Variants in CTNNA3 observed in about 807,000 individuals in gnomAD.
The protein encoded by CTNNA3 is catenin alpha-3.
CTNNA3 carries 76 observed loss-of-function variants against 95.7 expected under a neutral mutation model. The observed-to-expected ratio is 0.79, with a 90% CI of 0.66 to 0.96. The LOEUF (loss-of-function observed/expected upper bound fraction) is 0.96. CTNNA3 is among the 40% of genes least tolerant of loss of function. The pLI, the probability that CTNNA3 is intolerant of heterozygous loss-of-function variation, is 0.00. For synonymous variants in CTNNA3, 431 were observed against 374.4 expected, an observed-to-expected ratio of 1.15 and a Z score of -1.74; for missense variants, 1,191 against 1,089.8, an observed-to-expected ratio of 1.09 and a Z score of -1.31.
intron 12 of CTNNA3, among the ~76,000 whole-genome samples, chr10:66,299,286 A>G (rs1209838731): frequency 1.3e-5 from 2 of 152,202 alleles, no homozygotes; most frequent in Non-Finnish European, 2.9e-5. Context: ...GGCAAAATAA[A>G]CTTTCTAAAT....
At chr10:66,536,662 T>A (rs1435566825) in intron 10 of CTNNA3, among the ~76,000 whole-genome samples, 1 of 152,086 alleles carries the variant, frequency 6.6e-6, no homozygotes, top group African/African-American at 2.4e-5. Flanking sequence ...TTGGTACTTA[T>A]GCAGATACTA....
chr10:66,900,747 C>G (rs1204828407), intron 7 of CTNNA3, among the ~76,000 whole-genome samples: 2 of 151,946 alleles, frequency 1.3e-5, no homozygotes, highest in South Asian at 2.1e-4. Context: ...GCTTCAGTAG[C>G]CAATTCGATC....
intron 7 of CTNNA3, among the ~76,000 whole-genome samples, chr10:67,074,515 T>G (rs962714862): frequency 1.3e-5 from 2 of 151,728 alleles, no homozygotes; most frequent in African/African-American, 4.8e-5. Context: ...CACGCCCGGC[T>G]AATTTTCTGT....
chr10:67,238,143 A>G (rs1442806426), intron 5 of CTNNA3, among the ~76,000 whole-genome samples: 1 of 152,208 alleles, frequency 6.6e-6, no homozygotes, highest in Non-Finnish European at 1.5e-5. Flanking sequence ...AATCTGCCAA[A>G]TGTAATATAT....
At chr10:66,190,851 C>A (rs2086629079) in intron 13 of CTNNA3, among the ~76,000 whole-genome samples, 1 of 152,100 alleles carries the variant, frequency 6.6e-6, no homozygotes, top group African/African-American at 2.4e-5. Flanking sequence ...TGTTGCCTAC[C>A]TTTCTGAAGG....
At chr10:67,442,293 A>C (rs1413140363) in intron 5 of CTNNA3, among the ~76,000 whole-genome samples, 1 of 152,148 alleles carries the variant, frequency 6.6e-6, no homozygotes, top group Non-Finnish European at 1.5e-5. Context: ...ATGGGGAAAA[A>C]AGAAAGAGAA....
intron 11 of CTNNA3, among the ~76,000 whole-genome samples, chr10:66,452,707 C>T (rs923860073): frequency 1.3e-5 from 2 of 152,072 alleles, no homozygotes; most frequent in Non-Finnish European, 2.9e-5. Flanking sequence ...TATTGTAAAA[C>T]TTAAGGTTGA....
intron 11 of CTNNA3, among the ~76,000 whole-genome samples, chr10:66,387,493 G>T (rs1441195225): frequency 1.3e-5 from 2 of 152,132 alleles, no homozygotes; most frequent in African/African-American, 2.4e-5. Flanking sequence ...TTACACTGTT[G>T]GTGGGTGTGT....
intron 5 of CTNNA3, among the ~76,000 whole-genome samples, chr10:67,276,835 T>C (rs1477241261): frequency 2.0e-5 from 3 of 151,918 alleles, no homozygotes; most frequent in Non-Finnish European, 4.4e-5. Context: ...ACAAATATTC[T>C]ATAATAAAGG....
At chr10:67,622,332 T>C (rs1843873982) in intron 2 of CTNNA3, among the ~76,000 whole-genome samples, 1 of 152,152 alleles carries the variant, frequency 6.6e-6, no homozygotes, top group South Asian at 2.1e-4. Context: ...TAAAGCTAAG[T>C]TAGAAGTGGG....
chr10:66,163,761 C>T (rs933818429), intron 13 of CTNNA3, among the ~76,000 whole-genome samples: 4 of 152,166 alleles, frequency 2.6e-5, no homozygotes, highest in Non-Finnish European at 4.4e-5. Flanking sequence ...CCCAGACTGA[C>T]AATCACTAGC....
At chr10:66,149,178 T>C (rs2084055905) in intron 13 of CTNNA3, among the ~76,000 whole-genome samples, 2 of 148,248 alleles carry the variant, frequency 1.3e-5, no homozygotes, top group Admixed American at 1.4e-4. Context: ...CTAAATATAG[T>C]TAACTATATA....
chr10:66,224,170 G>C (rs1034357946), intron 13 of CTNNA3, among the ~76,000 whole-genome samples: 8 of 152,142 alleles, frequency 5.3e-5, no homozygotes, highest in African/African-American at 1.9e-4. Flanking sequence ...GACTCCCCTG[G>C]TTCTCAGGTC....
intron 7 of CTNNA3, among the ~76,000 whole-genome samples, chr10:66,892,014 T>A (rs1845287991): frequency 6.6e-6 from 1 of 152,106 alleles, no homozygotes; most frequent in South Asian, 2.1e-4. Context: ...TTTATACTGA[T>A]CTATGGTTTT....
At chr10:66,459,644 T>A (rs544094934) in intron 11 of CTNNA3, among the ~76,000 whole-genome samples, 19 of 152,342 alleles carry the variant, frequency 1.2e-4, no homozygotes, top group African/African-American at 4.6e-4. Context: ...AACATCATAG[T>A]GTGTACTTAC....
intron 4 of CTNNA3, 114 bp from the exon 5 acceptor site, chr10:67,522,075 A>G: frequency 1.0e-6 from 1 of 984,938 alleles, no homozygotes; most frequent in Non-Finnish European, 1.5e-6. Flanking sequence ...TTCATAATAC[A>G]GTGATAACAA....
chr10:67,482,037 T>G (rs1409696138), intron 5 of CTNNA3, among the ~76,000 whole-genome samples: 1 of 152,074 alleles, frequency 6.6e-6, no homozygotes, highest in East Asian at 1.9e-4. Context: ...TTTCTCAGGT[T>G]TGTCAAAGAT....
At chr10:66,725,195 A>G (rs1385380362) in intron 9 of CTNNA3, among the ~76,000 whole-genome samples, 1 of 152,040 alleles carries the variant, frequency 6.6e-6, no homozygotes, top group Non-Finnish European at 1.5e-5. Flanking sequence ...ACCTAACCAC[A>G]TTTTTCATCT....
In CTNNA3 at chr10:67,228,770, C is replaced by T. The variant is rs748968373; in HGVS notation, c.580-8900G>A. 2.6e-5 allele frequency among the ~76,000 whole-genome samples: 4 copies of T among 152,196 alleles called. No individual in the cohort carries two copies. In the East Asian group the frequency reaches 5.8e-4, roughly 22 times the overall value. On this transcript the variant is annotated intron_variant, in intron 5 of 17. Transcript: ENST00000433211. Reference sequence around the variant, plus strand: ...AAAATACAACCCTCCTAGCTTAAATCGGTAAGAATTAGATACCCTGAACAG... The same window carrying T: ...AAAATACAACCCTCCTAGCTTAAATTGGTAAGAATTAGATACCCTGAACAG...
Sources: gnomAD v4.1 joint callset for allele counts (sites outside exome capture counted in the v4.1 genomes callset) on GRCh38, gnomAD v4.1.1 for gene constraint, MANE v1.5 for transcripts, NCBI Gene and HGNC (gene_info 2026-07-23, HGNC 2026-07-21) for gene names.